MID2: variants seen among roughly 807,000 people sequenced by gnomAD.
MID2 encodes the protein midline 2.
In MID2, 13 loss-of-function variants were observed where a neutral mutation model predicts 46.1. The observed-to-expected ratio is 0.28, with a 90% CI of 0.18 to 0.45. The LOEUF is 0.45. Among genes scored for constraint, MID2 ranks in the 20% least tolerant of loss-of-function variants. MID2 has a pLI of 1.00. For synonymous variants in MID2, 199 were observed against 212.3 expected, an observed-to-expected ratio of 0.94 and a Z score of 0.55; for missense variants, 431 against 575.4, an observed-to-expected ratio of 0.75 and a Z score of 2.57.
At position 107,928,403 on chromosome X, in the gene MID2, AT is replaced by A. The variant is rs1187219390; in HGVS notation, c.*1341del. Among the ~76,000 whole-genome samples, 24 of 107,456 alleles carry A rather than the reference AT, an allele frequency of 2.2e-4. No homozygotes were observed. Among genetic ancestry groups the A allele is most frequent in the Admixed American group, 4.0e-4 (4 of 10,043 alleles). 93.3% of individuals were successfully genotyped at this position (107,456 alleles called of 115,157 possible). A position where few individuals can be genotyped will look rare whatever the true frequency, so the allele number is the denominator to read the frequency against. On this transcript the variant is annotated 3_prime_UTR_variant, in exon 10 of 10. Transcript: ENST00000262843. ...AGGGAATGGAGCCTTGTAGTCTATG[AT>A]TTTTTTTTTTAAATTTCCATCGAAG...
chrX:107,852,312 C>A (rs1253358394), intron 2 of MID2, among the ~76,000 whole-genome samples: 1 of 112,476 alleles, frequency 8.9e-6, no homozygotes, highest in Non-Finnish European at 1.9e-5. Context: ...TTTACTTCCT[C>A]TTTATCTGTG....
Position 107,825,979 on chromosome X carries a change from T to C in MID2, c.-448T>C. 1 of 273,509 alleles carries C rather than the reference T, an allele frequency of 3.7e-6. No individual in the cohort carries two copies. Among genetic ancestry groups the C allele is most frequent in the Non-Finnish European group, 6.5e-6 (1 of 154,953 alleles). 22.5% of individuals were successfully genotyped at this position (273,509 alleles called of 1,213,427 possible). ...TGGGAAGGTGGCCGAGCACCCCTTC[T>C]TCTTGGGCCCTTCCCAGTGCTCCCT... is the stretch of plus-strand genomic sequence containing the variant. On this transcript the variant is annotated 5_prime_UTR_variant, in exon 1 of 10. Coordinates refer to ENST00000262843, the MANE Select transcript of MID2 (RefSeq NM_012216.4).
chrX:107,922,995 G>A (rs774862690), intron 7 of MID2, among the ~76,000 whole-genome samples: 2 of 111,818 alleles, frequency 1.8e-5, no homozygotes, highest in African/African-American at 6.5e-5. Context: ...AATCCATATT[G>A]TCTTTTCATT....
chrX:107,899,026 G>A (rs753272874), intron 3 of MID2, among the ~76,000 whole-genome samples: 2 of 111,068 alleles, frequency 1.8e-5, no homozygotes, highest in South Asian at 3.9e-4. Context: ...GTGCAATGAT[G>A]CACTATAGGA....
chrX:107,884,932 C>T (rs1932415897), intron 3 of MID2, among the ~76,000 whole-genome samples: 2 of 111,642 alleles, frequency 1.8e-5, no homozygotes, highest in African/African-American at 6.5e-5. Context: ...TCTGAAAGCA[C>T]TTTCTAGGCC....
chrX:107,899,914 A>G (rs988255067), intron 3 of MID2, among the ~76,000 whole-genome samples: 4 of 111,828 alleles, frequency 3.6e-5, no homozygotes, highest in African/African-American at 6.5e-5. Flanking sequence ...AAATACCTCA[A>G]TGTATTATGT....
chrX:107,834,745 G>C (rs1931169737), intron 1 of MID2, among the ~76,000 whole-genome samples: 1 of 111,357 alleles, frequency 9.0e-6, no homozygotes, highest in Non-Finnish European at 1.9e-5. Context: ...CAATTGAAAG[G>C]AACAAGCAAT....
At chrX:107,918,468 A>C (rs1039700963) in intron 7 of MID2, among the ~76,000 whole-genome samples, 5 of 112,040 alleles carry the variant, frequency 4.5e-5, no homozygotes, top group Non-Finnish European at 7.5e-5. Flanking sequence ...ATTTTCTTTT[A>C]CTTTTTTGTT....
chrX:107,884,890 G>A (rs1013125500), intron 3 of MID2, among the ~76,000 whole-genome samples: 1 of 111,534 alleles, frequency 9.0e-6, no homozygotes, highest in Non-Finnish European at 1.9e-5. Context: ...TAATCAGGTT[G>A]TTGTGAAGAT....
intron 2 of MID2, among the ~76,000 whole-genome samples, chrX:107,853,654 TGGG>T (rs1450224440): frequency 1.8e-5 from 2 of 111,466 alleles, no homozygotes; most frequent in African/African-American, 3.3e-5. Flanking sequence ...GCCTCTCTTG[TGGG>T]TGAAGCCTCG....
chrX:107,866,354 T>C (rs746269880), intron 3 of MID2, among the ~76,000 whole-genome samples: 7 of 108,042 alleles, frequency 6.5e-5, no homozygotes, highest in Non-Finnish European at 1.1e-4. Context: ...GAGAGCAAAA[T>C]TAAACACCTT....
intron 3 of MID2, among the ~76,000 whole-genome samples, chrX:107,890,606 C>T (rs1459476643): frequency 3.6e-5 from 4 of 112,224 alleles, no homozygotes; most frequent in Non-Finnish European, 7.5e-5. Flanking sequence ...TCTCAGATCT[C>T]CAGCTGTGTG....
chrX:107,905,294 G>A (rs888648189), intron 4 of MID2, among the ~76,000 whole-genome samples, 184 bp from the exon 5 acceptor site: 1 of 110,845 alleles, frequency 9.0e-6, no homozygotes, highest in Non-Finnish European at 1.9e-5. Context: ...AGAGAAGGAG[G>A]GGTTGGCACA....
chrX:107,889,334 A>C (rs774570304), intron 3 of MID2, among the ~76,000 whole-genome samples: 11 of 111,740 alleles, frequency 9.8e-5, no homozygotes, highest in Non-Finnish European at 1.7e-4. Flanking sequence ...ACAATCTCTC[A>C]GCATTTGCTC....
intron 3 of MID2, among the ~76,000 whole-genome samples, chrX:107,861,333 T>C (rs1200486918): frequency 1.8e-5 from 2 of 111,499 alleles, no homozygotes; most frequent in Non-Finnish European, 3.8e-5. Flanking sequence ...TATAAGGAAA[T>C]GCAGGGCTGG....
intron 3 of MID2, among the ~76,000 whole-genome samples, chrX:107,887,806 G>A (rs1465487530): frequency 8.9e-6 from 1 of 111,968 alleles, no homozygotes; most frequent in African/African-American, 3.2e-5. Flanking sequence ...TTCAGAGCCT[G>A]TTATTGGTCT....
At chrX:107,899,628 A>G in intron 3 of MID2, among the ~76,000 whole-genome samples, 1 of 111,958 alleles carries the variant, frequency 8.9e-6, no homozygotes, top group South Asian at 3.8e-4. Flanking sequence ...GATTGAGGCT[A>G]AGACTCTTAG....
chrX:107,826,749 C>G (rs1290579848), intron 1 of MID2, among the ~76,000 whole-genome samples: 2 of 113,314 alleles, frequency 1.8e-5, no homozygotes, highest in Admixed American at 1.8e-4. Context: ...CGCGGGCAGT[C>G]GAGCGAATCC....
chrX:107,858,615 T>A (rs1931793500), intron 3 of MID2, among the ~76,000 whole-genome samples: 1 of 112,389 alleles, frequency 8.9e-6, no homozygotes, highest in Non-Finnish European at 1.9e-5. Flanking sequence ...GTTGATGACC[T>A]CCAGGAACTT....
Sources: gnomAD v4.1 joint callset for allele counts (sites outside exome capture counted in the v4.1 genomes callset) on GRCh38, gnomAD v4.1.1 for gene constraint, MANE v1.5 for transcripts, NCBI Gene and HGNC (gene_info 2026-07-23, HGNC 2026-07-21) for gene names.